ASPRV1: variants seen among roughly 807,000 people sequenced by gnomAD.
ASPRV1 encodes retroviral-like aspartic protease 1.
A neutral mutation model predicts 11.0 loss-of-function variants in ASPRV1; 7 were observed. The observed-to-expected ratio is 0.64, with a 90% CI of 0.36 to 1.20. The LOEUF (loss-of-function observed/expected upper bound fraction) is 1.20, where lower values mean the gene tolerates loss of function less well. ASPRV1 is among the 50% of genes most tolerant of loss of function. The probability of loss-of-function intolerance (pLI) is 0.02; values close to 1 mark genes in which losing one functional copy is unlikely to be tolerated. For synonymous variants in ASPRV1, 136 were observed against 138.4 expected (o/e 0.98, Z 0.12); for missense variants, 299 against 320.0 (o/e 0.93, Z 0.50).
At chr2:70,087,059 C>T in the ASPRV1 span, 1 of 151,732 alleles carries the variant, frequency 6.6e-6, no homozygotes, top group Non-Finnish European at 1.5e-5. Context: ...CCCTCGCGCA[C>T]GCGCTCTGGT....
chr2:69,961,641 A>G (rs752127955), upstream of ASPRV1: 1 of 1,588,756 alleles, frequency 6.3e-7, no homozygotes, highest in Admixed American at 1.7e-5. Context: ...TGGCCTGTTC[A>G]CTCTGCAGAG....
At position 69,961,562 on chromosome 2, in the gene ASPRV1, C is replaced by T. The variant is rs781080982; in HGVS notation, c.-126G>A. The T allele has an allele frequency of 5.6e-6, 9 of 1,613,992 alleles. No individual in the cohort carries two copies. The Admixed American group carries it at 1.5e-4, about 27-fold the overall frequency. On this transcript the variant is annotated 5_prime_UTR_variant, in exon 1 of 1. Coordinates refer to ENST00000320256, the MANE Select transcript of ASPRV1 (RefSeq NM_152792.4). ...AGCAGAGTGGGGATGACTTGCCCGG[C>T]CTTGGGCAAGCAGGAGGGAGCAGGC...
the ASPRV1 span, among the ~76,000 whole-genome samples, chr2:69,949,379 T>C: frequency 7.9e-4 from 121 of 152,288 alleles, no homozygotes; most frequent in African/African-American, 2.4e-3. Context: ...TCCAGTATCA[T>C]ATGGCCCCAA....
the ASPRV1 span, chr2:70,050,946 A>C: frequency 6.6e-6 from 1 of 152,190 alleles, no homozygotes; most frequent in Admixed American, 6.5e-5. Flanking sequence ...CTGTCTCTAA[A>C]AGAAAAAAAA....
chr2:70,058,545 G>A, the ASPRV1 span, among the ~76,000 whole-genome samples: 2 of 150,768 alleles, frequency 1.3e-5, no homozygotes, highest in Non-Finnish European at 3.0e-5. Context: ...CCTTTACTCT[G>A]AAGAAATTTT....
At chr2:70,002,348 T>C in the ASPRV1 span, among the ~76,000 whole-genome samples, 1 of 152,298 alleles carries the variant, frequency 6.6e-6, no homozygotes, top group South Asian at 2.1e-4. Context: ...CTGGGTAAGG[T>C]TTGTGTCTCA....
chr2:70,037,332 C>T, the ASPRV1 span, among the ~76,000 whole-genome samples: 1 of 152,102 alleles, frequency 6.6e-6, no homozygotes, highest in African/African-American at 2.4e-5. Flanking sequence ...TCCTAAAGTG[C>T]TGGGATTACA....
chr2:69,980,046 T>C, the ASPRV1 span, among the ~76,000 whole-genome samples: 3 of 152,202 alleles, frequency 2.0e-5, no homozygotes, highest in South Asian at 2.1e-4. Context: ...GGGAGCCTCA[T>C]TGTCGCTGGG....
At chr2:69,933,200 CAAAAAAAAAAA>C in the ASPRV1 span, among the ~76,000 whole-genome samples, 2 of 80,144 alleles carry the variant, frequency 2.5e-5, no homozygotes, top group Non-Finnish European at 5.0e-5. Flanking sequence ...AACTCTGTCT[CAAAAAAAAAAA>C]AAAAAAAAAA....
At chr2:69,966,566 T>C (rs1407984024), upstream of ASPRV1, among the ~76,000 whole-genome samples, 1 of 152,254 alleles carries the variant, frequency 6.6e-6, no homozygotes, top group African/African-American at 2.4e-5. Context: ...AAGTCACTTT[T>C]GACAAACACC....
At chr2:70,003,622 G>C in the ASPRV1 span, among the ~76,000 whole-genome samples, 2 of 152,226 alleles carry the variant, frequency 1.3e-5, no homozygotes, top group Non-Finnish European at 2.9e-5. Flanking sequence ...CATTCCTTTG[G>C]AAGCTCTTCT....
downstream of ASPRV1, among the ~76,000 whole-genome samples, chr2:69,959,334 C>G (rs1420779479): frequency 6.6e-6 from 1 of 152,164 alleles, no homozygotes; most frequent in Non-Finnish European, 1.5e-5. Context: ...GCCCGATGTG[C>G]TTGGTGGGGA....
At chr2:70,021,320 C>CTTT in the ASPRV1 span, among the ~76,000 whole-genome samples, 3 of 137,630 alleles carry the variant, frequency 2.2e-5, no homozygotes, top group South Asian at 2.3e-4. Context: ...TGAATAAATT[C>CTTT]TTTTTTTTTT....
At chr2:69,986,296 T>C in the ASPRV1 span, among the ~76,000 whole-genome samples, 5 of 152,222 alleles carry the variant, frequency 3.3e-5, no homozygotes, top group Non-Finnish European at 7.3e-5. Flanking sequence ...CACATGGCAG[T>C]GGGTAGTTTA....
the ASPRV1 span, among the ~76,000 whole-genome samples, chr2:70,021,135 T>C: frequency 2.6e-5 from 4 of 152,260 alleles, no homozygotes; most frequent in Non-Finnish European, 5.9e-5. Flanking sequence ...ATGCATCACA[T>C]AGGTAGAATC....
the ASPRV1 span, among the ~76,000 whole-genome samples, chr2:70,058,468 C>G: frequency 8.5e-5 from 13 of 152,230 alleles, no homozygotes; most frequent in East Asian, 2.3e-3. Flanking sequence ...GCCTGGAACT[C>G]CTGGCCTCAA....
At chr2:69,933,102 A>G in the ASPRV1 span, among the ~76,000 whole-genome samples, 1 of 149,940 alleles carries the variant, frequency 6.7e-6, no homozygotes, top group African/African-American at 2.5e-5. Flanking sequence ...AGGAGGCTGA[A>G]GAAGGAGAAT....
chr2:70,072,587 T>C, the ASPRV1 span, among the ~76,000 whole-genome samples: 7 of 151,744 alleles, frequency 4.6e-5, no homozygotes, highest in Non-Finnish European at 8.8e-5. Flanking sequence ...CCAGGCATGA[T>C]GGTGAGTGCC....
At chr2:70,086,788 A>G in the ASPRV1 span, among the ~76,000 whole-genome samples, 1 of 152,250 alleles carries the variant, frequency 6.6e-6, no homozygotes, top group Admixed American at 6.5e-5. Context: ...AATGGACGCC[A>G]TTCTTTTTAG....
Sources: allele counts gnomAD v4.1 joint callset (sites outside exome capture counted in the v4.1 genomes callset), GRCh38; gene constraint gnomAD v4.1.1; transcripts MANE v1.5; gene names NCBI Gene and HGNC (gene_info 2026-07-23, HGNC 2026-07-21).